The following BAZ2B variants were observed in gnomAD, a reference collection of about 807,000 sequenced individuals.
BAZ2B encodes bromodomain adjacent to zinc finger domain 2B.
In BAZ2B, 91 loss-of-function variants were observed where a neutral mutation model predicts 246.0. That is an observed-to-expected ratio of 0.37 (90% CI 0.31 to 0.44). BAZ2B has a LOEUF of 0.44. BAZ2B is among the 20% of genes least tolerant of loss of function. BAZ2B has a pLI of 1.00. For missense variants in BAZ2B, 2,332 were observed against 2,533.7 expected, an observed-to-expected ratio of 0.92 and a Z score of 1.71; for synonymous variants, 855 against 860.0, an observed-to-expected ratio of 0.99 and a Z score of 0.10.
chr2:159,421,878 C>T (rs574224096), intron 13 of BAZ2B, among the ~76,000 whole-genome samples: 3 of 152,198 alleles, frequency 2.0e-5, no homozygotes, highest in South Asian at 2.1e-4. Flanking sequence ...GACTGATAAA[C>T]GAGTTCAGTA....
intron 3 of BAZ2B, among the ~76,000 whole-genome samples, chr2:159,473,386 T>G (rs1577473078): frequency 6.6e-6 from 1 of 152,220 alleles, no homozygotes; most frequent in Non-Finnish European, 1.5e-5. Flanking sequence ...CTGATGGTAG[T>G]TTGTATTTCT....
At chr2:159,662,687 G>A in the BAZ2B span, among the ~76,000 whole-genome samples, 6 of 151,882 alleles carry the variant, frequency 4.0e-5, no homozygotes, top group Non-Finnish European at 7.4e-5. Context: ...ACCATGCCCG[G>A]CTAATTTTTT....
the BAZ2B span, among the ~76,000 whole-genome samples, chr2:159,683,997 G>A: frequency 5.3e-5 from 8 of 152,182 alleles, no homozygotes; most frequent in African/African-American, 1.9e-4. Flanking sequence ...TCCTCCAGCT[G>A]CTAGCAACCA....
intron 32 of BAZ2B, 94 bp from the exon 33 acceptor site, chr2:159,337,171 A>C (rs2065821858): frequency 1.4e-6 from 2 of 1,428,950 alleles, no homozygotes; most frequent in Non-Finnish European, 1.9e-6. Flanking sequence ...AAGCAATGAC[A>C]AAAACATGTA....
intron 1 of BAZ2B, among the ~76,000 whole-genome samples, chr2:159,573,207 T>C (rs1473371333): frequency 2.0e-5 from 3 of 152,168 alleles, no homozygotes; most frequent in Non-Finnish European, 4.4e-5. Flanking sequence ...ATTGCCAAAA[T>C]AATCTTGAAA....
intron 1 of BAZ2B, among the ~76,000 whole-genome samples, chr2:159,577,298 A>T (rs980693873): frequency 2.0e-5 from 3 of 152,206 alleles, no homozygotes; most frequent in Non-Finnish European, 4.4e-5. Flanking sequence ...ATTACAAACC[A>T]GTAGAGTATG....
At chr2:159,510,309 G>C (rs1232752129) in intron 2 of BAZ2B, among the ~76,000 whole-genome samples, 1 of 152,052 alleles carries the variant, frequency 6.6e-6, no homozygotes, top group Admixed American at 6.6e-5. Flanking sequence ...GACCACAGGC[G>C]TGTGCCACCA....
At chr2:159,342,139 A>G (rs949465602) in intron 31 of BAZ2B, among the ~76,000 whole-genome samples, 18 of 152,348 alleles carry the variant, frequency 1.2e-4, no homozygotes, top group Admixed American at 1.0e-3. Flanking sequence ...AGATCTCTAC[A>G]TGGAAATTGC....
At chr2:159,464,107 C>T (rs1309146598) in intron 3 of BAZ2B, 9 of 152,150 alleles carry the variant, frequency 5.9e-5, no homozygotes, top group Admixed American at 5.9e-4. Flanking sequence ...CTTACTTCTC[C>T]TTATGTTATC....
chr2:159,447,232 CT>C (rs1403380367), intron 5 of BAZ2B, among the ~76,000 whole-genome samples: 1 of 152,110 alleles, frequency 6.6e-6, no homozygotes. Context: ...ACAAAGTTTC[CT>C]TTTGCAGTGA....
chr2:159,683,968 A>G, the BAZ2B span, among the ~76,000 whole-genome samples: 1 of 152,202 alleles, frequency 6.6e-6, no homozygotes, highest in East Asian at 1.9e-4. Flanking sequence ...TTCAGCCTAC[A>G]CAGTAGGCAA....
At chr2:159,676,799 T>G in the BAZ2B span, among the ~76,000 whole-genome samples, 2 of 151,820 alleles carry the variant, frequency 1.3e-5, no homozygotes, top group South Asian at 4.2e-4. Context: ...GAGTTTCTGT[T>G]TGTGGTGATA....
chr2:159,680,783 T>C, the BAZ2B span, among the ~76,000 whole-genome samples: 33 of 152,328 alleles, frequency 2.2e-4, no homozygotes, highest in African/African-American at 7.7e-4. Flanking sequence ...TACCCCCTAT[T>C]GCAAAATAAG....
intron 2 of BAZ2B, among the ~76,000 whole-genome samples, chr2:159,518,788 G>A (rs1318911092): frequency 6.6e-6 from 1 of 152,112 alleles, no homozygotes; most frequent in Non-Finnish European, 1.5e-5. Flanking sequence ...CCTATCGTAA[G>A]GTCTTGCACA....
the BAZ2B span, among the ~76,000 whole-genome samples, chr2:159,673,718 A>T: frequency 6.6e-6 from 1 of 152,200 alleles, no homozygotes; most frequent in Non-Finnish European, 1.5e-5. Flanking sequence ...AAATATATCC[A>T]CGATATATTA....
At position 159,425,914 on chromosome 2, in the gene BAZ2B, A is replaced by G. The variant is rs141416333; in HGVS notation, c.2466+2027T>C. Among the ~76,000 whole-genome samples the G allele has an allele frequency of 1.5e-3, 228 of 152,316 alleles. 1 individual carries two copies. The highest frequency in any genetic ancestry group is 5.2e-3 in the African/African-American group (215 of 41,564). ...CACAATCCAGTATATAAAAATGTAC[A>G]TGGTTTTATAACTATATGCATCTCT... On this transcript the variant is annotated intron_variant, in intron 13 of 36. Transcript: ENST00000392783.
chr2:159,327,979 C>T (rs551863862), intron 34 of BAZ2B, among the ~76,000 whole-genome samples: 2 of 147,616 alleles, frequency 1.4e-5, no homozygotes, highest in East Asian at 4.1e-4. Context: ...GCACAAGAAT[C>T]ACTTGAACCT....
At chr2:159,610,039 T>C (rs1694372562) in intron 1 of BAZ2B, among the ~76,000 whole-genome samples, 1 of 152,108 alleles carries the variant, frequency 6.6e-6, no homozygotes. Context: ...TCTGAACAAA[T>C]AGGACCGAAC....
chr2:159,634,966 A>G, the BAZ2B span, among the ~76,000 whole-genome samples: 2 of 152,266 alleles, frequency 1.3e-5, no homozygotes, highest in African/African-American at 4.8e-5. Context: ...CAGAAGTCAC[A>G]TGGCTACAAG....
Sources: allele counts gnomAD v4.1 joint callset (sites outside exome capture counted in the v4.1 genomes callset), GRCh38; gene constraint gnomAD v4.1.1; transcripts MANE v1.5; gene names NCBI Gene and HGNC (gene_info 2026-07-23, HGNC 2026-07-21).